UBR7: variants seen among roughly 807,000 people sequenced by gnomAD.
The protein encoded by UBR7 is ubiquitin protein ligase E3 component n-recognin 7, also known as putative E3 ubiquitin-protein ligase UBR7.
UBR7 carries 22 observed loss-of-function variants against 57.0 expected under a neutral mutation model. The observed-to-expected ratio is 0.39, with a 90% CI of 0.28 to 0.55. UBR7 has a LOEUF of 0.55. UBR7 is among the 20% of genes least tolerant of loss of function. UBR7 has a pLI of 0.69. For synonymous variants in UBR7, 167 were observed against 179.8 expected (o/e 0.93, Z 0.57); for missense variants, 395 against 513.2 (o/e 0.77, Z 2.23).
chr14:93,224,071 G>T, intron 10 of UBR7: 1 of 1,032,680 alleles, frequency 9.7e-7, no homozygotes, highest in Non-Finnish European at 1.5e-6. Flanking sequence ...GGGGCGGTGT[G>T]TGGCATTTGG....
chr14:93,220,489 T>C, intron 9 of UBR7, 78 bp downstream of exon 9: 1 of 1,519,556 alleles, frequency 6.6e-7, no homozygotes, highest in Non-Finnish European at 9.0e-7. Context: ...TAAACACCTA[T>C]ATTTTTAATT....
chr14:93,226,948 TAA>T lies in UBR7; in HGVS notation c.1192_1193del (p.Lys398GlufsTer9). On this transcript the variant is annotated frameshift_variant, in exon 11 of 11. Transcript: ENST00000013070. LOFTEE classifies it high-confidence loss of function. ...TCTTTGCTTTTCAAAAACAGGTTGT[TAA>T]GAGAGAGGACATTCAGCAGTTCTTT... is the stretch of plus-strand genomic sequence containing the variant. ...KRFADEGTVV[K>X]REDIQQFFEE... 1 of 1,612,568 alleles carries T rather than the reference TAA, an allele frequency of 6.2e-7. No homozygotes were observed. Among genetic ancestry groups the T allele is most frequent in the Non-Finnish European group, 8.5e-7 (1 of 1,179,054 alleles).
At chr14:93,209,470 G>A (rs572467183) in intron 1 of UBR7, among the ~76,000 whole-genome samples, 3 of 152,248 alleles carry the variant, frequency 2.0e-5, no homozygotes, top group South Asian at 2.1e-4. Context: ...GGCTTGTGTC[G>A]TGGCTAATGC....
At chr14:93,218,201 G>C (rs1469046145) in intron 6 of UBR7, among the ~76,000 whole-genome samples, 1 of 152,058 alleles carries the variant, frequency 6.6e-6, no homozygotes, top group Non-Finnish European at 1.5e-5. Flanking sequence ...CTTGACATCA[G>C]GAGTTCAAGA....
chr14:93,208,680 A>C (rs1894418375), intron 1 of UBR7, among the ~76,000 whole-genome samples: 1 of 152,096 alleles, frequency 6.6e-6, no homozygotes, highest in Admixed American at 6.6e-5. Flanking sequence ...GCTTATTGGA[A>C]TAGAACTTTA....
At chr14:93,223,617 C>T (rs28374216) in intron 10 of UBR7, 38,923 of 1,305,266 alleles carry the variant, frequency 0.03, 925 homozygotes, top group African/African-American at 0.1. Context: ...CGTGTTGGGC[C>T]TCTTGGTGGT....
intron 9 of UBR7, among the ~76,000 whole-genome samples, chr14:93,221,341 TGA>T (rs1483506223): frequency 2.1e-4 from 32 of 152,182 alleles, no homozygotes; most frequent in Non-Finnish European, 3.7e-4. Context: ...TTCGAACTTC[TGA>T]CCTCAGGTGA....
rs1456289834 is a variant in UBR7 at position 93,227,203 on chromosome 14, C to T, written c.*168C>T. On this transcript the variant is annotated 3_prime_UTR_variant, in exon 11 of 11. Transcript: ENST00000013070. ...GCAGTAGCCACCGTGTGGATGCTGA[C>T]TTCACAGCCAGCGTCCTCTGTGACT... is the stretch of plus-strand genomic sequence containing the variant. The T allele has an allele frequency of 1.6e-6, 1 of 644,802 alleles. No individual in the cohort carries two copies. The highest frequency in any genetic ancestry group is 2.9e-6 in the Non-Finnish European group (1 of 350,448). 39.9% of individuals were successfully genotyped at this position (644,802 alleles called of 1,614,324 possible).
At chr14:93,217,668 CTG>C (rs886796118) in intron 6 of UBR7, among the ~76,000 whole-genome samples, 2 of 152,148 alleles carry the variant, frequency 1.3e-5, no homozygotes, top group Admixed American at 6.6e-5. Context: ...TTCAAATAAA[CTG>C]TTTAATTATT....
chr14:93,222,251 TA>T (rs1263421215), intron 9 of UBR7, 61 bp from the exon 10 acceptor site: 44 of 1,213,148 alleles, frequency 3.6e-5, no homozygotes, highest in Admixed American at 1.2e-4. Flanking sequence ...TGGCAAAGAA[TA>T]TTTTGTTTTT....
intron 9 of UBR7, among the ~76,000 whole-genome samples, chr14:93,221,500 C>CT (rs775815973): frequency 1.3e-5 from 2 of 151,902 alleles, no homozygotes; most frequent in Non-Finnish European, 2.9e-5. Flanking sequence ...GGTGATCCAC[C>CT]TGCCTCAGCC....
chr14:93,226,871 G>A (rs1236444367), intron 10 of UBR7, 72 bp from the exon 11 acceptor site: 3 of 972,736 alleles, frequency 3.1e-6, no homozygotes, highest in African/African-American at 3.3e-5. Context: ...TGACTTGTTT[G>A]TGAATGCTAT....
At chr14:93,224,967 A>G (rs575258738) in intron 10 of UBR7, among the ~76,000 whole-genome samples, 2 of 152,372 alleles carry the variant, frequency 1.3e-5, no homozygotes, top group East Asian at 3.9e-4. Context: ...CATAAAAGAA[A>G]AAAGTTAGGC....
At position 93,207,435 on chromosome 14, in the gene UBR7, C is replaced by G; in HGVS notation, c.144C>G (p.Tyr48Ter). 3 of 1,551,996 alleles carry G rather than the reference C, an allele frequency of 1.9e-6. No individual in the cohort carries two copies. Among genetic ancestry groups the G allele is most frequent in the Non-Finnish European group, 2.6e-6 (3 of 1,150,972 alleles). The change falls in exon 1 of 11, where the codon TAC (tyrosine) becomes TAG (stop). Residue 48 changes from tyrosine (Y) to a stop codon, truncating the protein, a stop_gained. Coordinates refer to ENST00000013070, the MANE Select transcript of UBR7 (RefSeq NM_175748.4). LOFTEE classifies it high-confidence loss of function. ...GCAGCGACTCCGAGAAGTGCTCCTA[C>G]TCTCAGGTGGGCGCGCGGCCCGGGC... ...LGGSDSEKCS[Y>*]SQGSVKRQAL...
chr14:93,219,181 A>T, intron 7 of UBR7, 31 bp from the exon 8 acceptor site: 1 of 1,612,090 alleles, frequency 6.2e-7, no homozygotes. Flanking sequence ...GTAGTTTAAA[A>T]AACATGCTTC....
At chr14:93,212,409 A>G (rs1461525800) in intron 4 of UBR7, among the ~76,000 whole-genome samples, 1 of 152,120 alleles carries the variant, frequency 6.6e-6, no homozygotes. Context: ...CCCAGTCCCC[A>G]AACACTTTCT....
At chr14:93,208,880 C>T (rs545549995) in intron 1 of UBR7, among the ~76,000 whole-genome samples, 2 of 152,220 alleles carry the variant, frequency 1.3e-5, no homozygotes, top group South Asian at 2.1e-4. Flanking sequence ...TCACTGCAAC[C>T]TCCACCTCCT....
At position 93,227,569 on chromosome 14, in the gene UBR7, G is replaced by A. The variant is rs779068421; in HGVS notation, c.*534G>A. 3 of 699,938 alleles carry A rather than the reference G, an allele frequency of 4.3e-6. No homozygotes were observed. The highest frequency in any genetic ancestry group is 1.5e-5 in the South Asian group (1 of 66,794). 43.4% of individuals were successfully genotyped at this position (699,938 alleles called of 1,614,324 possible). A position where few individuals can be genotyped will look rare whatever the true frequency, so the allele number is the denominator to read the frequency against. Reference sequence around the variant, plus strand: ...TTTTCTGAGGTTTGGTCATAGCTTAGAAAGGATCTTGGGGCTTGTTTTCTC... The same window carrying A: ...TTTTCTGAGGTTTGGTCATAGCTTAAAAAGGATCTTGGGGCTTGTTTTCTC... On this transcript the variant is annotated 3_prime_UTR_variant, in exon 11 of 11. Coordinates refer to ENST00000013070, the MANE Select transcript of UBR7 (RefSeq NM_175748.4).
At chr14:93,223,553 C>A in intron 10 of UBR7, 1 of 694,284 alleles carries the variant, frequency 1.4e-6, no homozygotes. Context: ...GGGTGGGGGG[C>A]GTTCCTGAGT....
Sources: gnomAD v4.1 joint callset for allele counts (sites outside exome capture counted in the v4.1 genomes callset) on GRCh38, gnomAD v4.1.1 for gene constraint, MANE v1.5 for transcripts, NCBI Gene and HGNC (gene_info 2026-07-23, HGNC 2026-07-21) for gene names.